Variants in ADAMTS4 observed in about 807,000 individuals in gnomAD.
ADAMTS4 encodes ADAM metallopeptidase with thrombospondin type 1 motif 4, also known as A disintegrin and metalloproteinase with thrombospondin motifs 4.
ADAMTS4 carries 38 observed loss-of-function variants against 66.7 expected under a neutral mutation model. The ratio of observed to expected loss-of-function variants is 0.57; its 90% CI spans 0.44 to 0.75. The LOEUF is 0.75. ADAMTS4 is among the 30% of genes least tolerant of loss of function. The pLI is 0.00. For missense variants in ADAMTS4, 1,014 were observed against 1,116.7 expected, an observed-to-expected ratio of 0.91 and a Z score of 1.31; for synonymous variants, 418 against 461.5, an observed-to-expected ratio of 0.91 and a Z score of 1.21.
In ADAMTS4 at chr1:161,187,995, A is replaced by G. The variant is rs1229055253; in HGVS notation, c.*3143T>C. On this transcript the variant is annotated 3_prime_UTR_variant, in exon 9 of 9. Transcript: ENST00000367996. The stretch of plus-strand genomic sequence containing the variant: ...GATGGAGTCTCACTCTATCGCCCAG[A>G]CTGGAGTGCAATGGCGCAATTTCGG... 4 of 136,162 alleles carry G rather than the reference A, an allele frequency of 2.9e-5. No individual in the cohort carries two copies. Among genetic ancestry groups the G allele is most frequent in the Non-Finnish European group, 6.1e-5 (4 of 65,618 alleles). 8.4% of individuals were successfully genotyped at this position (136,162 alleles called of 1,614,324 possible).
chr1:161,197,245 G>A (rs1014439808), intron 1 of ADAMTS4: 3 of 234,986 alleles, frequency 1.3e-5, no homozygotes, highest in Non-Finnish European at 2.5e-5. Flanking sequence ...GGGCTAGAGG[G>A]CTGGGCTGCA....
At chr1:161,196,503 G>A in intron 2 of ADAMTS4, 54 bp downstream of exon 2, 2 of 1,573,668 alleles carry the variant, frequency 1.3e-6, no homozygotes, top group Non-Finnish European at 1.7e-6. Flanking sequence ...TCTATGTAGT[G>A]GCGCTTCTTA....
At position 161,185,830 on chromosome 1, in the gene ADAMTS4, G is replaced by T. The variant is rs771311860; in HGVS notation, c.*5308C>A. 1.3e-5 allele frequency: 2 copies of T among 152,184 alleles called. No individual in the cohort carries two copies. Among genetic ancestry groups the T allele is most frequent in the Non-Finnish European group, 2.9e-5 (2 of 68,030 alleles). 9.4% of individuals were successfully genotyped at this position (152,184 alleles called of 1,614,324 possible). A position where few individuals can be genotyped will look rare whatever the true frequency, so the allele number is the denominator to read the frequency against. On this transcript the variant is annotated 3_prime_UTR_variant, in exon 9 of 9. Transcript: ENST00000367996. The stretch of plus-strand genomic sequence containing the variant: ...TCCCACCTCCATTACAAAAATAGTG[G>T]CTGGACAAATGTCCAGATTTCCTCT...
chr1:161,188,317 T>C lies in ADAMTS4; in HGVS notation c.*2821A>G, dbSNP rs1313806827. 4 of 139,058 alleles carry C rather than the reference T, an allele frequency of 2.9e-5. No individual in the cohort carries two copies. Among genetic ancestry groups the C allele is most frequent in the African/African-American group, 7.9e-5 (3 of 38,118 alleles). 8.6% of individuals were successfully genotyped at this position (139,058 alleles called of 1,614,324 possible). A position where few individuals can be genotyped will look rare whatever the true frequency, so the allele number is the denominator to read the frequency against. On this transcript the variant is annotated 3_prime_UTR_variant, in exon 9 of 9. Coordinates refer to ENST00000367996, the MANE Select transcript of ADAMTS4 (RefSeq NM_005099.6). Reference sequence around the variant, plus strand: ...ATAGTGGCATGATTGTAGCTCACCATAGCCTCGAAATCGTGGGCTCAAGCA... The same window carrying C: ...ATAGTGGCATGATTGTAGCTCACCACAGCCTCGAAATCGTGGGCTCAAGCA...
rs761294093 is a variant in ADAMTS4 at position 161,196,794 on chromosome 1, G to T, written c.720C>A (p.Arg240=). The T allele has an allele frequency of 1.9e-6, 3 of 1,612,306 alleles. No homozygotes were observed. The highest frequency in any genetic ancestry group is 2.5e-6 in the Non-Finnish European group (3 of 1,180,044). The change falls in exon 2 of 9, where the codon CGC becomes CGA. Residue 240 remains arginine (R), a synonymous_variant. Transcript: ENST00000367996. ...CTGCTGCCATCACTGTTAGCAGGTA[G>T]CGCTTTAGCCCCGCACCGTGGAATG... ...MAAFHGAGLK[R]YLLTVMAAAA... is the part of the protein sequence containing the mutation.
In ADAMTS4 at chr1:161,198,701, G is replaced by A. The variant is rs1664980855; in HGVS notation, c.-74C>T. 7.4e-7 allele frequency: 1 copy of A among 1,356,978 alleles called. No individual in the cohort carries two copies. 84.1% of individuals were successfully genotyped at this position (1,356,978 alleles called of 1,614,324 possible). A position where few individuals can be genotyped will look rare whatever the true frequency, so the allele number is the denominator to read the frequency against. On this transcript the variant is annotated 5_prime_UTR_variant, in exon 1 of 9. Coordinates refer to ENST00000367996, the MANE Select transcript of ADAMTS4 (RefSeq NM_005099.6). This position sits in a 1 kb window ranked among gnomAD's most constrained non-coding sequence, Gnocchi z 4.7. ...GTCCTCCACACCCTAGCTTTGGAAA[G>A]CTCCTCTCTGTAGCCTGGGGGCTTG... is the stretch of plus-strand genomic sequence containing the variant.
Position 161,194,183 on chromosome 1 carries a change from G to C in ADAMTS4, c.1300C>G (p.Leu434Val). 1 of 1,614,170 alleles carries C rather than the reference G, an allele frequency of 6.2e-7. No homozygotes were observed. Among genetic ancestry groups the C allele is most frequent in the Non-Finnish European group, 8.5e-7 (1 of 1,180,014 alleles). Residue 434 changes from leucine (L) to valine (V), a missense_variant, in exon 5 of 9, where the codon CTG (leucine) becomes GTG (valine). Transcript: ENST00000367996. The surrounding 1 kb of genome is among the most constrained non-coding windows in gnomAD (Gnocchi z 4.1). Reference protein sequence around the residue: ...LLDKPEAPLHLPVTFPGKDYD... With the variant: ...LLDKPEAPLHVPVTFPGKDYD... ...TCCTTGCCAGGGAAAGTCACAGGCA[G>C]ATGCAATGGAGCCTCTGGTTTGTCT...
rs1664521755 is a variant in ADAMTS4, at chr1:161,185,250, G to A, written c.*5888C>T. 1 of 152,284 alleles carries A rather than the reference G, an allele frequency of 6.6e-6. No homozygotes were observed. The highest frequency in any genetic ancestry group is 1.5e-5 in the Non-Finnish European group (1 of 68,036). 9.4% of individuals were successfully genotyped at this position (152,284 alleles called of 1,614,324 possible). On this transcript the variant is annotated 3_prime_UTR_variant, in exon 9 of 9. Transcript: ENST00000367996. ...GAATGTGCTAGTGTGTCTCTGTGAA[G>A]TTGGATGTGTGTTATGTCAATGTGT... is the stretch of plus-strand genomic sequence containing the variant.
chr1:161,193,696 T>C lies in ADAMTS4; in HGVS notation c.1679A>G (p.Glu560Gly). ...GGAGCGGAAGCGGGTACGGCGGCCCTCACAGTACTTGCCACCATTCCGGGG... is the reference window on the plus strand; with the variant it reads ...GGAGCGGAAGCGGGTACGGCGGCCCCCACAGTACTTGCCACCATTCCGGGG... ...PVPRNGGKYCEGRRTRFRSCN... is the reference protein window; with the variant it reads ...PVPRNGGKYCGGRRTRFRSCN... Residue 560 changes from glutamate (E) to glycine (G), a missense_variant, in exon 6 of 9, where the codon GAG (glutamate) becomes GGG (glycine). Transcript: ENST00000367996. This position sits in a 1 kb window ranked among gnomAD's most constrained non-coding sequence, Gnocchi z 4.4. 1 of 1,613,902 alleles carries C rather than the reference T, an allele frequency of 6.2e-7. No individual in the cohort carries two copies. The highest frequency in any genetic ancestry group is 1.1e-5 in the South Asian group (1 of 91,062).
chr1:161,197,189 C>T (rs1001236405), intron 1 of ADAMTS4: 15 of 321,342 alleles, frequency 4.7e-5, no homozygotes, highest in African/African-American at 3.3e-4. Flanking sequence ...TCAGGAGGGA[C>T]TTTGGGGTTC....
rs1296063253 is a variant in ADAMTS4, at chr1:161,193,104, T to C, written c.1911+109A>G. 1.1e-5 allele frequency: 14 copies of C among 1,266,516 alleles called. No individual in the cohort carries two copies. The highest frequency in any genetic ancestry group is 1.5e-5 in the Non-Finnish European group (14 of 931,950). 78.5% of individuals were successfully genotyped at this position (1,266,516 alleles called of 1,614,324 possible). ...AGTGGAATCCTGGACTGGGCTGGCGTGGCTGTAGGAACAGGGTTACTTTGG... is the reference window on the plus strand; with the variant it reads ...AGTGGAATCCTGGACTGGGCTGGCGCGGCTGTAGGAACAGGGTTACTTTGG... On this transcript the variant is annotated intron_variant, in intron 7 of 8. Coordinates refer to ENST00000367996, the MANE Select transcript of ADAMTS4 (RefSeq NM_005099.6). The surrounding 1 kb of genome is among the most constrained non-coding windows in gnomAD (Gnocchi z 4.4).
At position 161,198,702 on chromosome 1, in the gene ADAMTS4, C is replaced by G; in HGVS notation, c.-75G>C. On this transcript the variant is annotated 5_prime_UTR_variant, in exon 1 of 9. Transcript: ENST00000367996. The surrounding 1 kb of genome is among the most constrained non-coding windows in gnomAD (Gnocchi z 4.7). ...TCCTCCACACCCTAGCTTTGGAAAG[C>G]TCCTCTCTGTAGCCTGGGGGCTTGG... 7.4e-7 allele frequency: 1 copy of G among 1,358,678 alleles called. No homozygotes were observed. Among genetic ancestry groups the G allele is most frequent in the South Asian group, 1.5e-5 (1 of 65,866 alleles). 84.2% of individuals were successfully genotyped at this position (1,358,678 alleles called of 1,614,324 possible).
chr1:161,194,802 T>A lies in ADAMTS4; in HGVS notation c.1262-581A>T, dbSNP rs1434143256. Reference sequence around the variant, plus strand: ...TCATGGCAAATACCTATGAGATAGGTACCGCTATTATACTTATCTGACATA... The same window carrying A: ...TCATGGCAAATACCTATGAGATAGGAACCGCTATTATACTTATCTGACATA... On this transcript the variant is annotated intron_variant, in intron 4 of 8. Transcript: ENST00000367996. This position sits in a 1 kb window ranked among gnomAD's most constrained non-coding sequence, Gnocchi z 4.1. Among the ~76,000 whole-genome samples the A allele has an allele frequency of 6.6e-6, 1 of 152,230 alleles. No individual in the cohort carries two copies. The highest frequency in any genetic ancestry group is 2.4e-5 in the African/African-American group (1 of 41,454).
rs1462416010 is a variant in ADAMTS4, at chr1:161,193,500, G to A, written c.1736-112C>T. On this transcript the variant is annotated intron_variant, in intron 6 of 8. Transcript: ENST00000367996. This position sits in a 1 kb window ranked among gnomAD's most constrained non-coding sequence, Gnocchi z 4.4. The stretch of plus-strand genomic sequence containing the variant: ...CACAGCTCTGCTCTTCCCTGCAGAC[G>A]GCCAAGGACAATTCCCAGAGGTTAA... 8.6e-6 allele frequency: 13 copies of A among 1,516,596 alleles called. No individual in the cohort carries two copies. Among genetic ancestry groups the A allele is most frequent in the Admixed American group, 1.9e-5 (1 of 52,896 alleles). The allele number at this position is 1,516,596 out of a possible 1,614,324, so 93.9% of individuals were successfully genotyped here.
intron 8 of ADAMTS4, among the ~76,000 whole-genome samples, chr1:161,191,863 T>C (rs1664691370): frequency 6.6e-6 from 1 of 152,142 alleles, no homozygotes; most frequent in African/African-American, 2.4e-5. Context: ...AAGGAAGCCT[T>C]CCCTGATGCC....
intron 1 of ADAMTS4, 24 bp downstream of exon 1, chr1:161,197,971 G>A: frequency 6.5e-7 from 1 of 1,536,232 alleles, no homozygotes; most frequent in Non-Finnish European, 8.8e-7. Flanking sequence ...GACACCGCAG[G>A]ACACAGACTC....
Position 161,191,183 on chromosome 1 carries a change from CTG to C in ADAMTS4, c.2467_2468del (p.Gln823AspfsTer78). On this transcript the variant is annotated frameshift_variant, in exon 9 of 9. Transcript: ENST00000367996. LOFTEE classifies it high-confidence loss of function. ...TPQDWLHRRA[Q>X]ILEILRRRPW... Reference sequence around the variant, plus strand: ...GGCGCCGCCGAAGGATCTCCAGAATCTGTGCTCTTCGGTGCAGCCAGTCCTGG... The same window carrying C: ...GGCGCCGCCGAAGGATCTCCAGAATCTGCTCTTCGGTGCAGCCAGTCCTGG... 6.3e-7 allele frequency: 1 copy of C among 1,588,444 alleles called. No homozygotes were observed. Among genetic ancestry groups the C allele is most frequent in the Non-Finnish European group, 8.6e-7 (1 of 1,161,592 alleles).
Position 161,192,174 on chromosome 1 carries a change from C to T in ADAMTS4, c.1978G>A (p.Ala660Thr). Residue 660 changes from alanine (A) to threonine (T), a missense_variant, in exon 8 of 9, where the codon GCT becomes ACT. Ala to Thr is a moderately conservative substitution (Grantham distance 58). Coordinates refer to ENST00000367996, the MANE Select transcript of ADAMTS4 (RefSeq NM_005099.6). ...SVCVQGRCIH[A>T]GCDRIIGSKK... Reference sequence around the variant, plus strand: ...GAGCCAATGATGCGATCACAGCCAGCATGGATGCATCGGCCCTGGACACAG... The same window carrying T: ...GAGCCAATGATGCGATCACAGCCAGTATGGATGCATCGGCCCTGGACACAG... The T allele has an allele frequency of 6.2e-7, 1 of 1,614,110 alleles. No individual in the cohort carries two copies. The highest frequency in any genetic ancestry group is 8.5e-7 in the Non-Finnish European group (1 of 1,180,036).
Position 161,192,215 on chromosome 1 carries a change from G to A in ADAMTS4, c.1937C>T (p.Pro646Leu), listed in dbSNP as rs925057053. The A allele has an allele frequency of 1.4e-5, 23 of 1,613,892 alleles. No homozygotes were observed. Among genetic ancestry groups the A allele is most frequent in the Middle Eastern group, 1.6e-4 (1 of 6,062 alleles). ...PRVVDGTPCS[P>L]DSSSVCVQGR... ...CTGGACACAGACCGAGGAGCTGTCC[G>A]GGGAACAGGGGGTCCCATCTACCAC... Residue 646 changes from proline to leucine, a missense_variant, in exon 8 of 9, where the codon CCG (proline) becomes CTG (leucine). Physicochemically the swap from Pro to Leu is moderately conservative, Grantham distance 98 (BLOSUM62 -3). Transcript: ENST00000367996.
Sources: allele counts gnomAD v4.1 joint callset (sites outside exome capture counted in the v4.1 genomes callset), GRCh38; gene constraint gnomAD v4.1.1; non-coding constraint Gnocchi (gnomAD v3.1); transcripts MANE v1.5; gene names NCBI Gene and HGNC (gene_info 2026-07-23, HGNC 2026-07-21).